Variants in CTNNA1 observed in about 807,000 individuals in gnomAD.
The protein encoded by CTNNA1 is catenin alpha-1.
A neutral mutation model predicts 98.4 loss-of-function variants in CTNNA1; 37 were observed. The ratio of observed to expected loss-of-function variants is 0.38; its 90% CI spans 0.29 to 0.49. CTNNA1 has a LOEUF of 0.49. Ranked by LOEUF, CTNNA1 falls within the 20% of genes least tolerant of loss-of-function variation. CTNNA1 has a pLI of 0.95. For missense variants in CTNNA1, 761 were observed against 1,147.2 expected (o/e 0.66, Z 4.86); for synonymous variants, 404 against 413.2 (o/e 0.98, Z 0.27).
chr5:138,924,288 T>TTG (rs1763535894), intron 11 of CTNNA1, among the ~76,000 whole-genome samples: 1 of 137,782 alleles, frequency 7.3e-6, no homozygotes, highest in Non-Finnish European at 1.6e-5. Flanking sequence ...TTTTGTTTTT[T>TTG]TTTTTTTAAA....
intron 1 of CTNNA1, 33 bp from the exon 2 acceptor site, chr5:138,781,890 G>A: frequency 6.4e-7 from 1 of 1,556,132 alleles, no homozygotes; most frequent in Non-Finnish European, 8.6e-7. Flanking sequence ...TGTGTTTGAT[G>A]TTTGCCTGAC....
intron 11 of CTNNA1, among the ~76,000 whole-genome samples, chr5:138,921,907 C>T (rs72788879): frequency 1.9e-3 from 288 of 151,786 alleles, no homozygotes; most frequent in South Asian, 7.1e-3. Context: ...CAAAAATCAC[C>T]CGGCCGGTGA....
At position 138,824,547 on chromosome 5, in the gene CTNNA1, C is replaced by A. The variant is rs779343310; in HGVS notation, c.606C>A (p.Gly202=). 5 of 1,613,818 alleles carry A rather than the reference C, an allele frequency of 3.1e-6. No individual in the cohort carries two copies. Among genetic ancestry groups the A allele is most frequent in the Non-Finnish European group, 4.2e-6 (5 of 1,179,752 alleles). ...TCTTGTAGGAATTGAAAGATGTTGG[C>A]CATCGTGATCAGATGGCTGCAGCTA... ...AKRQQELKDV[G]HRDQMAAARG... Residue 202 remains glycine (G), a synonymous_variant, in exon 6 of 18, where the codon GGC becomes GGA. Coordinates refer to ENST00000302763, the MANE Select transcript of CTNNA1 (RefSeq NM_001903.5).
intron 13 of CTNNA1, among the ~76,000 whole-genome samples, chr5:138,926,823 G>A (rs1764164208): frequency 1.3e-5 from 2 of 152,204 alleles, no homozygotes; most frequent in South Asian, 4.2e-4. Flanking sequence ...TGGCCTGCTG[G>A]GAAGTCCTTG....
In CTNNA1 at chr5:138,783,199, A is replaced by G. The variant is rs1580984043; in HGVS notation, c.128A>G (p.Asn43Ser). 1.2e-6 allele frequency: 2 copies of G among 1,611,708 alleles called. No homozygotes were observed. Among genetic ancestry groups the G allele is most frequent in the African/African-American group, 1.3e-5 (1 of 74,920 alleles). ...VTQVTTLVNT[N>S]SKGPSNKKRG... ...TAGGTTACAACCCTTGTAAACACCA[A>G]TAGTAAAGGGCCCTCTAATAAGAAG... is the stretch of plus-strand genomic sequence containing the variant. Residue 43 changes from asparagine to serine, a missense_variant, in exon 3 of 18, where the codon AAT becomes AGT. Around this residue, in one of 6 missense-constraint regions of CTNNA1, gnomAD observed 328 missense variants for 354.3 expected, o/e 0.93. Coordinates refer to ENST00000302763, the MANE Select transcript of CTNNA1 (RefSeq NM_001903.5).
intron 1 of CTNNA1, among the ~76,000 whole-genome samples, chr5:138,757,285 G>A (rs1561490726): frequency 6.6e-6 from 1 of 152,028 alleles, no homozygotes; most frequent in South Asian, 2.1e-4. Flanking sequence ...AGGTGAAGGG[G>A]AATAGGGAGC....
Position 138,774,083 on chromosome 5 carries a change from A to G in CTNNA1, c.-2-7840A>G, listed in dbSNP as rs141184767. Among the ~76,000 whole-genome samples the G allele has an allele frequency of 2.3e-4, 35 of 152,246 alleles. No homozygotes were observed. In the East Asian group the frequency reaches 6.4e-3, roughly 28 times the overall value. ...TTTTTAGTAGAGACAGGGTTTCACC[A>G]TGTTGGCCAGGCTGGTCTTGAGATC... On this transcript the variant is annotated intron_variant, in intron 1 of 17. Transcript: ENST00000302763.
chr5:138,762,620 T>A (rs1227916530), intron 1 of CTNNA1, among the ~76,000 whole-genome samples: 2 of 152,082 alleles, frequency 1.3e-5, no homozygotes, highest in African/African-American at 4.8e-5. Flanking sequence ...ACCCCTCTTT[T>A]TGATTGGGAT....
At chr5:138,932,545 G>A in intron 16 of CTNNA1, 33 bp from the exon 17 acceptor site, 1 of 1,612,088 alleles carries the variant, frequency 6.2e-7, no homozygotes, top group Non-Finnish European at 8.5e-7. Context: ...GGCCAGGCCA[G>A]GATACTTGGT....
rs571665839 is a variant in CTNNA1, at chr5:138,830,546, T to G, written c.1062+2828T>G. 3.9e-5 allele frequency among the ~76,000 whole-genome samples: 6 copies of G among 152,312 alleles called. No individual in the cohort carries two copies. In the East Asian group the frequency reaches 1.2e-3, roughly 29 times the overall value. On this transcript the variant is annotated intron_variant, in intron 7 of 17. Coordinates refer to ENST00000302763, the MANE Select transcript of CTNNA1 (RefSeq NM_001903.5). ...GAGTGAGGATAAACGGTGAGGGCAG[T>G]GGAGCACACTTGAAGAAAGCTTAGA...
In CTNNA1 at chr5:138,934,157, T is replaced by C. The variant is rs1766047178; in HGVS notation, c.*68T>C. 2 of 1,243,652 alleles carry C rather than the reference T, an allele frequency of 1.6e-6. No individual in the cohort carries two copies. The allele number at this position is 1,243,652 out of a possible 1,614,324, so 77.0% of individuals were successfully genotyped here. ...TATCAGTCACTGTTCGTCACTCAAA[T>C]GAATTTGCTAAATACAACACTGATA... On this transcript the variant is annotated 3_prime_UTR_variant, in exon 18 of 18. Transcript: ENST00000302763.
At chr5:138,858,030 A>G (rs1385813938) in intron 7 of CTNNA1, among the ~76,000 whole-genome samples, 3 of 152,166 alleles carry the variant, frequency 2.0e-5, no homozygotes, top group Non-Finnish European at 2.9e-5. Flanking sequence ...CCCTGTATCC[A>G]TCTTACTGTT....
intron 9 of CTNNA1, among the ~76,000 whole-genome samples, chr5:138,897,746 A>AT (rs1648854144): frequency 1.3e-5 from 2 of 152,168 alleles, no homozygotes; most frequent in Admixed American, 1.3e-4. Flanking sequence ...TTGAGACAAA[A>AT]TTGTCTTACA....
intron 10 of CTNNA1, among the ~76,000 whole-genome samples, chr5:138,910,963 G>A (rs978664478): frequency 6.6e-6 from 1 of 152,224 alleles, no homozygotes; most frequent in Non-Finnish European, 1.5e-5. Flanking sequence ...TCTCGGCCAT[G>A]CGCAGTGCCT....
intron 7 of CTNNA1, chr5:138,872,949 T>G (rs1750819221): frequency 8.1e-7 from 1 of 1,231,442 alleles, no homozygotes; most frequent in East Asian, 2.4e-5. Flanking sequence ...AGATATGTAT[T>G]TAGCCTCTAC....
intron 3 of CTNNA1, among the ~76,000 whole-genome samples, chr5:138,802,789 G>A (rs1233117151): frequency 1.3e-5 from 2 of 152,004 alleles, no homozygotes; most frequent in African/African-American, 4.8e-5. Context: ...TATTATACTG[G>A]TTACCCCTAC....
chr5:138,760,166 T>C (rs1752185106), intron 1 of CTNNA1, among the ~76,000 whole-genome samples: 1 of 149,420 alleles, frequency 6.7e-6, no homozygotes, highest in African/African-American at 2.5e-5. Flanking sequence ...GCTAATTTTG[T>C]TATTTTTAGT....
intron 7 of CTNNA1, among the ~76,000 whole-genome samples, chr5:138,829,185 TAAATC>T (rs1298807937): frequency 6.6e-6 from 1 of 152,158 alleles, no homozygotes; most frequent in Non-Finnish European, 1.5e-5. Flanking sequence ...GAGGTTTTGT[TAAATC>T]AAATGGAAAA....
chr5:138,928,100 T>A (rs1764519096), intron 13 of CTNNA1, among the ~76,000 whole-genome samples: 1 of 152,184 alleles, frequency 6.6e-6, no homozygotes, highest in Admixed American at 6.5e-5. Context: ...CTGCAAGTCC[T>A]TGGGCTGGGC....
Sources: gnomAD v4.1 joint callset for allele counts (sites outside exome capture counted in the v4.1 genomes callset) on GRCh38, gnomAD v4.1.1 for gene constraint, gnomAD v4.1.1 regional missense constraint, MANE v1.5 for transcripts, NCBI Gene and HGNC (gene_info 2026-07-23, HGNC 2026-07-21) for gene names.